Variants in CD59 observed in about 807,000 individuals in gnomAD.
CD59 encodes CD59 molecule (CD59 blood group).
Under a neutral mutation model 7.0 loss-of-function variants are expected in CD59, and 3 were observed. The ratio of observed to expected loss-of-function variants is 0.43; its 90% CI spans 0.19 to 1.10. CD59 has a LOEUF of 1.10. CD59 is among the 50% of genes least tolerant of loss of function. The pLI, the probability that CD59 is intolerant of heterozygous loss-of-function variation, is 0.29. For missense variants in CD59, 143 were observed against 151.0 expected (o/e 0.95, Z 0.28); for synonymous variants, 60 against 62.0 (o/e 0.97, Z 0.15).
chr11:33,711,462 G>A (rs1167072712), intron 3 of CD59: 5 of 697,042 alleles, frequency 7.2e-6, no homozygotes, highest in Non-Finnish European at 1.0e-5. Context: ...TGAAGTGAGA[G>A]GATTGCCTGC....
chr11:33,730,438 C>T (rs530426647), intron 1 of CD59, among the ~76,000 whole-genome samples: 93 of 152,214 alleles, frequency 6.1e-4, no homozygotes, highest in African/African-American at 2.1e-3. Flanking sequence ...TTAAAACTTA[C>T]ACACACAAAC....
At chr11:33,725,518 T>C (rs1422626574) in intron 1 of CD59, among the ~76,000 whole-genome samples, 2 of 152,192 alleles carry the variant, frequency 1.3e-5, no homozygotes, top group African/African-American at 4.8e-5. Flanking sequence ...TTAATCATTC[T>C]AAAGAATGCA....
rs370362902 is a variant in CD59 at position 33,717,469 on chromosome 11, G to A, written c.70C>T (p.His24Tyr). The part of the protein sequence containing the change: ...LVLAVFCHSG[H>Y]SLQCYNCPNP... ...GGACAGTTGTAGCACTGCAGGCTAT[G>A]ACCTAGAATCAGGAAGAAAGTCAGG... The change falls in exon 3 of 4, where the codon CAT becomes TAT. Residue 24 changes from histidine (H) to tyrosine (Y), a missense_variant and splice_region_variant. By Grantham distance (83) the His-to-Tyr change is moderately conservative (BLOSUM62 2). Coordinates refer to ENST00000642928, the MANE Select transcript of CD59 (RefSeq NM_000611.6). 9 of 1,597,250 alleles carry A rather than the reference G, an allele frequency of 5.6e-6. No individual in the cohort carries two copies. The highest frequency in any genetic ancestry group is 7.7e-6 in the Non-Finnish European group (9 of 1,164,762).
intron 1 of CD59, among the ~76,000 whole-genome samples, chr11:33,728,297 A>G (rs2133568769): frequency 6.6e-6 from 1 of 152,376 alleles, no homozygotes; most frequent in African/African-American, 2.4e-5. Flanking sequence ...TAACCAAAAC[A>G]GCATGGTACT....
rs1853418944 is a variant in CD59, at chr11:33,708,716, G to A, written c.*1410C>T. ...CAAGTTTCTATTTTCCTATGTTCAG[G>A]GAACGGCATCAACAGAAGAAAGCTG... On this transcript the variant is annotated 3_prime_UTR_variant, in exon 4 of 4. Coordinates refer to ENST00000642928, the MANE Select transcript of CD59 (RefSeq NM_000611.6). 1.3e-5 allele frequency: 2 copies of A among 152,122 alleles called. No individual in the cohort carries two copies. The highest frequency in any genetic ancestry group is 2.9e-5 in the Non-Finnish European group (2 of 68,030). 9.4% of individuals were successfully genotyped at this position (152,122 alleles called of 1,614,324 possible).
chr11:33,714,564 C>T (rs1386249233), intron 3 of CD59, among the ~76,000 whole-genome samples: 1 of 152,068 alleles, frequency 6.6e-6, no homozygotes, highest in African/African-American at 2.4e-5. Context: ...AAAAAATCAA[C>T]CCTAGTTTAC....
chr11:33,709,901 C>A lies in CD59; in HGVS notation c.*225G>T. ...AGCATGCAATCTAGTTCAAGTCACA[C>A]CTACTTCACTCTTAGACTTCTTCCT... On this transcript the variant is annotated 3_prime_UTR_variant, in exon 4 of 4. Coordinates refer to ENST00000642928, the MANE Select transcript of CD59 (RefSeq NM_000611.6). 1.6e-6 allele frequency: 1 copy of A among 612,366 alleles called. No individual in the cohort carries two copies. Among genetic ancestry groups the A allele is most frequent in the South Asian group, 2.0e-5 (1 of 51,092 alleles). 37.9% of individuals were successfully genotyped at this position (612,366 alleles called of 1,614,324 possible).
In CD59 at chr11:33,708,219, A is replaced by C. The variant is rs1853391892; in HGVS notation, c.*1907T>G. 6.6e-6 allele frequency: 1 copy of C among 152,214 alleles called. No homozygotes were observed. The highest frequency in any genetic ancestry group is 1.5e-5 in the Non-Finnish European group (1 of 68,064). 9.4% of individuals were successfully genotyped at this position (152,214 alleles called of 1,614,324 possible). A position where few individuals can be genotyped will look rare whatever the true frequency, so the allele number is the denominator to read the frequency against. On this transcript the variant is annotated 3_prime_UTR_variant, in exon 4 of 4. Coordinates refer to ENST00000642928, the MANE Select transcript of CD59 (RefSeq NM_000611.6). The stretch of plus-strand genomic sequence containing the variant: ...GCAACTTTTTGCAGAAAGCAACCCC[A>C]AAGTTTAAGGCCATTTATATGACCC...
chr11:33,722,959 A>G, intron 1 of CD59: 1 of 1,055,174 alleles, frequency 9.5e-7, no homozygotes, highest in South Asian at 3.4e-5. Flanking sequence ...TAATGGGGAC[A>G]CTTGCTTGCT....
At chr11:33,712,705 G>A (rs1241277593) in intron 3 of CD59, among the ~76,000 whole-genome samples, 1 of 152,156 alleles carries the variant, frequency 6.6e-6, no homozygotes, top group Non-Finnish European at 1.5e-5. Flanking sequence ...AGACAGTTGC[G>A]ATAAGTCATA....
rs1027993596 is a variant in CD59 at position 33,706,114 on chromosome 11, C to T, written c.*4012G>A. On this transcript the variant is annotated 3_prime_UTR_variant, in exon 4 of 4. Transcript: ENST00000642928. Reference sequence around the variant, plus strand: ...AGTCCCCTGCTGGGTGCATGCTACCCCCCTCCTCTCCCAGAGGCTCTGGAC... The same window carrying T: ...AGTCCCCTGCTGGGTGCATGCTACCTCCCTCCTCTCCCAGAGGCTCTGGAC... 6.6e-6 allele frequency: 1 copy of T among 151,552 alleles called. No individual in the cohort carries two copies. The highest frequency in any genetic ancestry group is 6.6e-5 in the Admixed American group (1 of 15,222). The allele number at this position is 151,552 out of a possible 1,614,324, so 9.4% of individuals were successfully genotyped here.
chr11:33,730,891 G>A (rs919016506), intron 1 of CD59, among the ~76,000 whole-genome samples: 1 of 152,208 alleles, frequency 6.6e-6, no homozygotes, highest in African/African-American at 2.4e-5. Context: ...GTCTGCAGTT[G>A]TGGCCGCCTG....
rs1466589133 is a variant in CD59, at chr11:33,706,856, A to T, written c.*3270T>A. 6.6e-6 allele frequency: 1 copy of T among 152,214 alleles called. No homozygotes were observed. The highest frequency in any genetic ancestry group is 1.9e-4 in the East Asian group (1 of 5,206). The allele number at this position is 152,214 out of a possible 1,614,324, so 9.4% of individuals were successfully genotyped here. On this transcript the variant is annotated 3_prime_UTR_variant, in exon 4 of 4. Coordinates refer to ENST00000642928, the MANE Select transcript of CD59 (RefSeq NM_000611.6). ...GCAGAAACTGATTTCTTCAAAGTAAAAAGGCACCAGGGACCCATTCTAGAC... is the reference window on the plus strand; with the variant it reads ...GCAGAAACTGATTTCTTCAAAGTAATAAGGCACCAGGGACCCATTCTAGAC...
At chr11:33,729,829 T>C (rs1854362354) in intron 1 of CD59, among the ~76,000 whole-genome samples, 1 of 152,112 alleles carries the variant, frequency 6.6e-6, no homozygotes, top group Non-Finnish European at 1.5e-5. Flanking sequence ...CGTGTTACTG[T>C]TCATCCAAAA....
intron 3 of CD59, chr11:33,711,532 A>T: frequency 3.2e-6 from 2 of 633,460 alleles, no homozygotes; most frequent in South Asian, 3.6e-5. Flanking sequence ...TAAAAAAATT[A>T]GCCAGGCAGG....
chr11:33,715,425 C>T (rs891508128), intron 3 of CD59, among the ~76,000 whole-genome samples: 1 of 151,990 alleles, frequency 6.6e-6, no homozygotes, highest in Non-Finnish European at 1.5e-5. Flanking sequence ...AATAGTGAAA[C>T]CCCGTCTCTA....
intron 1 of CD59, among the ~76,000 whole-genome samples, chr11:33,732,222 A>G (rs567647777): frequency 1.1e-4 from 16 of 150,780 alleles, no homozygotes; most frequent in African/African-American, 3.7e-4. Context: ...TACACCTCCA[A>G]AATCTCATGT....
intron 1 of CD59, among the ~76,000 whole-genome samples, chr11:33,729,869 A>T (rs1331644603): frequency 6.6e-6 from 1 of 152,032 alleles, no homozygotes; most frequent in Non-Finnish European, 1.5e-5. Context: ...TATCAATTAA[A>T]TATATATATA....
rs984994021 is a variant in CD59, at chr11:33,705,585, CA to C, written c.*4540del. 4 of 152,266 alleles carry C rather than the reference CA, an allele frequency of 2.6e-5. No homozygotes were observed. Among genetic ancestry groups the C allele is most frequent in the African/African-American group, 9.7e-5 (4 of 41,424 alleles). The allele number at this position is 152,266 out of a possible 1,614,324, so 9.4% of individuals were successfully genotyped here. A position where few individuals can be genotyped will look rare whatever the true frequency, so the allele number is the denominator to read the frequency against. On this transcript the variant is annotated 3_prime_UTR_variant, in exon 4 of 4. Transcript: ENST00000642928. The stretch of plus-strand genomic sequence containing the variant: ...TGCCAGGGGCTCTTGGGCCTTTGGC[CA>C]CAGACTGAAGGCTGGCTGCACTGTC...
Sources: gnomAD v4.1 joint callset for allele counts (sites outside exome capture counted in the v4.1 genomes callset) on GRCh38, gnomAD v4.1.1 for gene constraint, MANE v1.5 for transcripts, NCBI Gene and HGNC (gene_info 2026-07-23, HGNC 2026-07-21) for gene names.